The following RCHY1 variants were observed in gnomAD, a reference collection of about 807,000 sequenced individuals.
RCHY1 encodes the protein RING finger and CHY zinc finger domain-containing protein 1.
RCHY1 carries 21 observed loss-of-function variants against 41.6 expected under a neutral mutation model. That is an observed-to-expected ratio of 0.51 (90% CI 0.36 to 0.73). The LOEUF (loss-of-function observed/expected upper bound fraction) is 0.73. RCHY1 is among the 30% of genes least tolerant of loss of function. The pLI is 0.00. For synonymous variants in RCHY1, 79 were observed against 102.9 expected, an observed-to-expected ratio of 0.77 and a Z score of 1.41; for missense variants, 265 against 325.3, an observed-to-expected ratio of 0.81 and a Z score of 1.43.
chr4:75,514,110 C>T (rs1442595065), intron 1 of RCHY1, 87 bp downstream of exon 1: 2 of 1,539,550 alleles, frequency 1.3e-6, no homozygotes, highest in Middle Eastern at 1.8e-4. Context: ...TAACCTCAAA[C>T]TTAAATCCAA....
At chr4:75,487,458 CAT>C (rs1255489701) in intron 8 of RCHY1, among the ~76,000 whole-genome samples, 25 of 118,104 alleles carry the variant, frequency 2.1e-4, no homozygotes, top group South Asian at 7.6e-4. Flanking sequence ...TATATATAGT[CAT>C]ATATATATTC....
intron 3 of RCHY1, among the ~76,000 whole-genome samples, chr4:75,498,798 T>C (rs1013307815): frequency 3.9e-5 from 6 of 152,046 alleles, no homozygotes; most frequent in Non-Finnish European, 7.4e-5. Context: ...TCAAAATGGA[T>C]TAAAGACTTA....
intron 3 of RCHY1, among the ~76,000 whole-genome samples, chr4:75,497,762 G>GA (rs71203820): frequency 1.3e-5 from 2 of 151,574 alleles, no homozygotes; most frequent in East Asian, 1.9e-4. Flanking sequence ...TGAAATTAAT[G>GA]AAAAAAACTA....
At chr4:75,485,441 AG>A (rs1321906730) in intron 8 of RCHY1, among the ~76,000 whole-genome samples, 2 of 152,166 alleles carry the variant, frequency 1.3e-5, no homozygotes, top group Non-Finnish European at 2.9e-5. Flanking sequence ...ACATTTGTAA[AG>A]GTGTCTGTGT....
In RCHY1 at chr4:75,481,852, CT is replaced by C. The variant is rs1721548977; in HGVS notation, c.*685del. ...TTCAATGTTGATGTTTTTATTAAGG[CT>C]TTGGAAGAGTCTTATTATTTTACAT... On this transcript the variant is annotated 3_prime_UTR_variant, in exon 9 of 9. Coordinates refer to ENST00000324439, the MANE Select transcript of RCHY1 (RefSeq NM_015436.4). The C allele has an allele frequency of 6.6e-6, 1 of 152,080 alleles. No homozygotes were observed. The allele number at this position is 152,080 out of a possible 1,614,324, so 9.4% of individuals were successfully genotyped here.
intron 3 of RCHY1, 90 bp from the exon 4 acceptor site, chr4:75,494,269 T>TA (rs1400355982): frequency 1.9e-4 from 175 of 905,660 alleles, no homozygotes; most frequent in Non-Finnish European, 2.5e-4. Context: ...TTAGTCTCTG[T>TA]AAAAAAAATT....
At chr4:75,482,832 A>G (rs939590586) in intron 8 of RCHY1, among the ~76,000 whole-genome samples, 166 bp from the exon 9 acceptor site, 2 of 152,098 alleles carry the variant, frequency 1.3e-5, no homozygotes, top group African/African-American at 4.8e-5. Flanking sequence ...TGAAAACTCT[A>G]AAAAGCTATT....
At chr4:75,489,202 G>A (rs1722521976) in intron 8 of RCHY1, among the ~76,000 whole-genome samples, 1 of 151,960 alleles carries the variant, frequency 6.6e-6, no homozygotes, top group African/African-American at 2.4e-5. Flanking sequence ...TATGACCAAT[G>A]TTTGCTTTGT....
intron 8 of RCHY1, among the ~76,000 whole-genome samples, chr4:75,487,659 T>TTCATA (rs1722262630): frequency 1.2e-5 from 1 of 81,448 alleles, no homozygotes; most frequent in South Asian, 3.4e-4. Context: ...ATTCATAATA[T>TTCATA]ATATATTCAT....
chr4:75,489,916 A>G (rs1722597242), intron 8 of RCHY1, among the ~76,000 whole-genome samples: 1 of 152,054 alleles, frequency 6.6e-6, no homozygotes, highest in Non-Finnish European at 1.5e-5. Flanking sequence ...GACCCTCCAC[A>G]CTCTTGGAAG....
At chr4:75,514,432 C>T (rs943576341), upstream of RCHY1, 1 of 894,498 alleles carries the variant, frequency 1.1e-6, no homozygotes, top group Non-Finnish European at 1.6e-6. Context: ...CCGGGGCAGA[C>T]GGATTTCCGG....
chr4:75,487,113 T>C (rs1266176123), intron 8 of RCHY1, among the ~76,000 whole-genome samples: 2 of 152,162 alleles, frequency 1.3e-5, no homozygotes, highest in African/African-American at 4.8e-5. Context: ...AAAAGATTTA[T>C]GGAAATCTTA....
chr4:75,500,446 T>C (rs1723645776), intron 3 of RCHY1, among the ~76,000 whole-genome samples: 1 of 152,234 alleles, frequency 6.6e-6, no homozygotes, highest in South Asian at 2.1e-4. Flanking sequence ...TGCCCGTATT[T>C]ACCGAAAACT....
upstream of RCHY1, chr4:75,514,419 G>T: frequency 9.8e-7 from 1 of 1,023,762 alleles, no homozygotes; most frequent in Non-Finnish European, 1.4e-6. Context: ...CTAAGCACGT[G>T]ACCCGGGGCA....
At chr4:75,509,974 G>A (rs1189670816) in intron 1 of RCHY1, among the ~76,000 whole-genome samples, 1 of 152,134 alleles carries the variant, frequency 6.6e-6, no homozygotes, top group East Asian at 1.9e-4. Context: ...CAGCAAACAG[G>A]CAACCTCTTC....
intron 3 of RCHY1, among the ~76,000 whole-genome samples, chr4:75,495,730 C>T (rs575011033): frequency 6.6e-6 from 1 of 152,158 alleles, no homozygotes; most frequent in Admixed American, 6.6e-5. Flanking sequence ...TCTTGAACCA[C>T]CATTACTTTG....
chr4:75,500,770 A>G (rs542166522), intron 3 of RCHY1, among the ~76,000 whole-genome samples: 1 of 152,336 alleles, frequency 6.6e-6, no homozygotes, highest in South Asian at 2.1e-4. Flanking sequence ...ATGAACTAAA[A>G]GCAATGACAA....
chr4:75,489,713 A>G (rs1387242017), intron 8 of RCHY1, among the ~76,000 whole-genome samples: 1 of 152,240 alleles, frequency 6.6e-6, no homozygotes, highest in Non-Finnish European at 1.5e-5. Flanking sequence ...GCTTTTATGC[A>G]TTATGCCAAA....
intron 3 of RCHY1, among the ~76,000 whole-genome samples, chr4:75,501,656 TTC>T (rs1434296257): frequency 6.6e-6 from 1 of 152,214 alleles, no homozygotes; most frequent in African/African-American, 2.4e-5. Context: ...TATTTGAAAA[TTC>T]TGTTATTCTA....
Sources: gnomAD v4.1 joint callset for allele counts (sites outside exome capture counted in the v4.1 genomes callset) on GRCh38, gnomAD v4.1.1 for gene constraint, MANE v1.5 for transcripts, NCBI Gene and HGNC (gene_info 2026-07-23, HGNC 2026-07-21) for gene names.